Variants in BAZ2B observed in about 807,000 individuals in gnomAD.
The protein encoded by BAZ2B is bromodomain adjacent to zinc finger domain protein 2B.
BAZ2B carries 91 observed loss-of-function variants against 246.0 expected under a neutral mutation model. The observed-to-expected ratio is 0.37, with a 90% CI of 0.31 to 0.44. BAZ2B has a LOEUF of 0.44. Among genes scored for constraint, BAZ2B ranks in the 20% least tolerant of loss-of-function variants. BAZ2B has a pLI of 1.00. For synonymous variants in BAZ2B, 855 were observed against 860.0 expected, an observed-to-expected ratio of 0.99 and a Z score of 0.10; for missense variants, 2,332 against 2,533.7, an observed-to-expected ratio of 0.92 and a Z score of 1.71.
intron 3 of BAZ2B, chr2:159,458,757 TAAATGTA>T (rs2076087300): frequency 1.3e-5 from 2 of 152,232 alleles, no homozygotes; most frequent in Non-Finnish European, 2.9e-5. Flanking sequence ...TTTTTCCCCC[TAAATGTA>T]AAAGATTCCT....
the BAZ2B span, among the ~76,000 whole-genome samples, chr2:159,682,968 C>CT: frequency 2.8e-4 from 41 of 148,412 alleles, no homozygotes; most frequent in South Asian, 2.0e-3. Context: ...CTTACATCAC[C>CT]TTTTTTTTTT....
At chr2:159,568,612 T>C (rs1458111443) in intron 1 of BAZ2B, among the ~76,000 whole-genome samples, 1 of 152,180 alleles carries the variant, frequency 6.6e-6, no homozygotes, top group Non-Finnish European at 1.5e-5. Flanking sequence ...AGTTTTATTC[T>C]CTTTCAACAG....
At position 159,507,566 on chromosome 2, in the gene BAZ2B, A is replaced by G. The variant is rs551594416; in HGVS notation, c.-2-28845T>C. ...TTTTTGAATGTGTGTCTGCTTGTGT[A>G]TAAGGGATTAATATGACTTCGGAAA... On this transcript the variant is annotated intron_variant, in intron 2 of 36. Coordinates refer to ENST00000392783, the MANE Select transcript of BAZ2B (RefSeq NM_013450.4). Among the ~76,000 whole-genome samples the G allele has an allele frequency of 5.3e-4, 81 of 152,288 alleles. No individual in the cohort carries two copies. In the East Asian group the frequency reaches 0.013, roughly 24 times the overall value.
intron 1 of BAZ2B, among the ~76,000 whole-genome samples, chr2:159,580,750 A>G (rs1686561309): frequency 6.6e-6 from 1 of 152,216 alleles, no homozygotes; most frequent in South Asian, 2.1e-4. Context: ...CAGAGGCCTC[A>G]GAAATAATAC....
intron 3 of BAZ2B, chr2:159,463,536 C>T (rs1230906879): frequency 6.5e-6 from 1 of 152,806 alleles, no homozygotes; most frequent in East Asian, 1.9e-4. Flanking sequence ...ACATCCTTGC[C>T]AATACTTGTC....
At chr2:159,520,876 T>C (rs1237243691) in intron 2 of BAZ2B, among the ~76,000 whole-genome samples, 1 of 152,170 alleles carries the variant, frequency 6.6e-6, no homozygotes, top group Non-Finnish European at 1.5e-5. Flanking sequence ...CCAATACAGT[T>C]TGATTCGTAT....
intron 32 of BAZ2B, 133 bp from the exon 33 acceptor site, chr2:159,337,210 C>A (rs13410966): frequency 8.1e-7 from 1 of 1,230,020 alleles, no homozygotes; most frequent in South Asian, 1.5e-5. Context: ...GTTTAAGCAA[C>A]TAAATTTGAT....
intron 3 of BAZ2B, chr2:159,462,931 G>T (rs2076590179): frequency 7.1e-7 from 1 of 1,413,274 alleles, no homozygotes; most frequent in African/African-American, 1.4e-5. Flanking sequence ...TGTTTTGGCT[G>T]GGGGTCACTT....
chr2:159,497,324 C>T (rs2081268263), intron 2 of BAZ2B, among the ~76,000 whole-genome samples: 2 of 152,196 alleles, frequency 1.3e-5, no homozygotes, highest in African/African-American at 4.8e-5. Flanking sequence ...AAAAGTTCCA[C>T]CCTCCACCTC....
the BAZ2B span, among the ~76,000 whole-genome samples, chr2:159,653,199 C>A: frequency 6.6e-6 from 1 of 152,102 alleles, no homozygotes; most frequent in Non-Finnish European, 1.5e-5. Flanking sequence ...CTTGGCCTCC[C>A]AAAGTGCTGG....
chr2:159,573,049 C>T lies in BAZ2B; in HGVS notation c.-45-17184G>A, dbSNP rs7575924. 1.5e-4 allele frequency among the ~76,000 whole-genome samples: 23 copies of T among 151,932 alleles called. 1 individual carries two copies. The Middle Eastern group carries it at 0.014, about 90-fold the overall frequency. On this transcript the variant is annotated intron_variant, in intron 1 of 36. Transcript: ENST00000392783. ...AAAAAGAGGACCAGAAAGTGGGAAACGAGATAGTTTTCTAGAAAACTGAAA... is the reference window on the plus strand; with the variant it reads ...AAAAAGAGGACCAGAAAGTGGGAAATGAGATAGTTTTCTAGAAAACTGAAA...
chr2:159,467,266 C>T (rs369009693), intron 3 of BAZ2B, among the ~76,000 whole-genome samples: 1 of 152,112 alleles, frequency 6.6e-6, no homozygotes, highest in Non-Finnish European at 1.5e-5. Flanking sequence ...ATATCCAGCT[C>T]GATATGGCTA....
At chr2:159,486,542 A>G (rs2079849887) in intron 2 of BAZ2B, among the ~76,000 whole-genome samples, 1 of 151,750 alleles carries the variant, frequency 6.6e-6, no homozygotes, top group Non-Finnish European at 1.5e-5. Context: ...CAAAGTGGGG[A>G]TAACAGGTTG....
At chr2:159,586,481 C>A (rs1330285059) in intron 1 of BAZ2B, among the ~76,000 whole-genome samples, 2 of 151,998 alleles carry the variant, frequency 1.3e-5, no homozygotes, top group East Asian at 3.9e-4. Flanking sequence ...TTCAGTTGAA[C>A]CAGTTTATCA....
At chr2:159,484,848 G>C (rs1440696591) in intron 2 of BAZ2B, among the ~76,000 whole-genome samples, 3 of 151,966 alleles carry the variant, frequency 2.0e-5, no homozygotes, top group Non-Finnish European at 4.4e-5. Flanking sequence ...AAAAAAAAAA[G>C]TATAGCCACA....
the BAZ2B span, among the ~76,000 whole-genome samples, chr2:159,691,429 T>G: frequency 6.6e-6 from 1 of 151,918 alleles, no homozygotes; most frequent in Non-Finnish European, 1.5e-5. Flanking sequence ...TACTGTATTC[T>G]TACAATAAAG....
At chr2:159,659,572 T>G in the BAZ2B span, among the ~76,000 whole-genome samples, 1 of 152,300 alleles carries the variant, frequency 6.6e-6, no homozygotes, top group African/African-American at 2.4e-5. Context: ...ACACAAATTT[T>G]TATTCTCCAC....
intron 27 of BAZ2B, among the ~76,000 whole-genome samples, chr2:159,361,955 G>C (rs552534467): frequency 4.9e-4 from 75 of 151,764 alleles, no homozygotes; most frequent in South Asian, 2.1e-4. Context: ...GGGCCTGTCG[G>C]GGGGGTGAGG....
intron 2 of BAZ2B, among the ~76,000 whole-genome samples, chr2:159,485,299 G>A (rs1477883520): frequency 2.0e-5 from 3 of 151,996 alleles, no homozygotes; most frequent in African/African-American, 7.2e-5. Flanking sequence ...AGAAATAGGG[G>A]ATGTGGCCGA....
Sources: allele counts gnomAD v4.1 joint callset (sites outside exome capture counted in the v4.1 genomes callset), GRCh38; gene constraint gnomAD v4.1.1; transcripts MANE v1.5; gene names NCBI Gene and HGNC (gene_info 2026-07-23, HGNC 2026-07-21).